The following PCDH11X variants were observed in gnomAD, a reference collection of about 807,000 sequenced individuals.
The protein encoded by PCDH11X is protocadherin 11 X-linked, also known as protocadherin-11 X-linked.
Under a neutral mutation model 53.3 loss-of-function variants are expected in PCDH11X, and 18 were observed. The observed-to-expected ratio is 0.34, with a 90% confidence interval of 0.23 to 0.50. The LOEUF (loss-of-function observed/expected upper bound fraction) is 0.50. Among genes scored for constraint, PCDH11X ranks in the 20% least tolerant of loss-of-function variants. The pLI is 0.98. For synonymous variants in PCDH11X, 279 were observed against 393.3 expected (o/e 0.71, Z 3.44); for missense variants, 570 against 1,032.4 (o/e 0.55, Z 6.14).
chrX:92,612,065 T>C (rs1193563570), intron 10 of PCDH11X, among the ~76,000 whole-genome samples: 2 of 110,165 alleles, frequency 1.8e-5, no homozygotes, highest in Admixed American at 1.9e-4. Context: ...TTTTGTTGTG[T>C]CTTTGCCAGG....
intron 9 of PCDH11X, among the ~76,000 whole-genome samples, chrX:92,388,718 CA>C (rs1190255665): frequency 9.3e-6 from 1 of 108,007 alleles, no homozygotes; most frequent in Non-Finnish European, 1.9e-5. Context: ...TATGTAGATA[CA>C]AAAAAGCATA....
chrX:91,823,230 G>A (rs755621073), intron 4 of PCDH11X, among the ~76,000 whole-genome samples: 1 of 110,953 alleles, frequency 9.0e-6, no homozygotes, highest in South Asian at 3.9e-4. Context: ...GGGTATCCTT[G>A]TTGACTTTCT....
At chrX:91,801,883 A>G (rs1204835936) in intron 1 of PCDH11X, among the ~76,000 whole-genome samples, 1 of 112,658 alleles carries the variant, frequency 8.9e-6, no homozygotes, top group African/African-American at 3.2e-5. Context: ...GCCAACATAT[A>G]TTAAATAACT....
chrX:92,284,487 A>G (rs944602597), intron 8 of PCDH11X, among the ~76,000 whole-genome samples: 1 of 112,354 alleles, frequency 8.9e-6, no homozygotes, highest in African/African-American at 3.2e-5. Context: ...AGACTAAAAA[A>G]CAAAACAATA....
At chrX:91,903,259 C>T (rs1054702092) in intron 6 of PCDH11X, among the ~76,000 whole-genome samples, 2 of 111,555 alleles carry the variant, frequency 1.8e-5, no homozygotes, top group Admixed American at 9.6e-5. Flanking sequence ...TTCATCATAT[C>T]TCTAATCTTG....
intron 8 of PCDH11X, among the ~76,000 whole-genome samples, chrX:92,351,625 A>G (rs1233534385): frequency 8.9e-6 from 1 of 111,905 alleles, no homozygotes; most frequent in East Asian, 2.8e-4. Flanking sequence ...AGTTAAATAA[A>G]CATGTAATTA....
intron 8 of PCDH11X, among the ~76,000 whole-genome samples, chrX:92,345,071 A>C (rs1174799229): frequency 9.0e-6 from 1 of 110,829 alleles, no homozygotes; most frequent in African/African-American, 3.3e-5. Flanking sequence ...GAGATTTCCA[A>C]ATGTTTACTA....
intron 6 of PCDH11X, among the ~76,000 whole-genome samples, chrX:92,040,034 GC>G (rs763604579): frequency 2.0e-3 from 224 of 109,371 alleles, no homozygotes; most frequent in African/African-American, 7.4e-3. Context: ...TCTGCCTAGT[GC>G]CCTATCTTAT....
At chrX:92,364,362 A>G (rs2070414499) in intron 8 of PCDH11X, among the ~76,000 whole-genome samples, 1 of 111,783 alleles carries the variant, frequency 8.9e-6, no homozygotes, top group South Asian at 3.7e-4. Context: ...TACTGTAGGC[A>G]ATGGTAACAC....
At chrX:92,257,114 G>C (rs774842147) in intron 7 of PCDH11X, among the ~76,000 whole-genome samples, 2 of 111,360 alleles carry the variant, frequency 1.8e-5, no homozygotes, top group African/African-American at 3.3e-5. Context: ...AAAGGCAAAG[G>C]GGGAGCAGCA....
At chrX:92,205,217 AT>A (rs777078634) in intron 7 of PCDH11X, among the ~76,000 whole-genome samples, 20 of 111,782 alleles carry the variant, frequency 1.8e-4, no homozygotes, top group African/African-American at 6.2e-4. Flanking sequence ...CACTGTAATA[AT>A]TTTCTTAGTT....
chrX:91,899,262 C>T (rs4408069), intron 6 of PCDH11X, among the ~76,000 whole-genome samples: 2,560 of 110,458 alleles, frequency 0.023, 75 homozygotes, highest in African/African-American at 0.079. Flanking sequence ...ACTTGAAGTC[C>T]GATGTTTGAG....
chrX:92,615,299 G>T (rs2148819887), intron 10 of PCDH11X, among the ~76,000 whole-genome samples: 1 of 111,154 alleles, frequency 9.0e-6, no homozygotes, highest in African/African-American at 3.3e-5. Context: ...TCAGATTGCT[G>T]ATTCAAGCAA....
At chrX:91,808,331 C>A (rs1425592501) in intron 1 of PCDH11X, among the ~76,000 whole-genome samples, 1 of 108,359 alleles carries the variant, frequency 9.2e-6, no homozygotes, top group Non-Finnish European at 1.9e-5. Flanking sequence ...CCTGTCTCAA[C>A]TAAAAATACA....
intron 10 of PCDH11X, among the ~76,000 whole-genome samples, chrX:92,551,253 T>A (rs1350189121): frequency 8.9e-6 from 1 of 111,870 alleles, no homozygotes; most frequent in Non-Finnish European, 1.9e-5. Flanking sequence ...CATTTGTTAT[T>A]GCCTGTCTTT....
intron 9 of PCDH11X, among the ~76,000 whole-genome samples, chrX:92,390,250 T>C (rs768085141): frequency 2.7e-5 from 3 of 109,885 alleles, no homozygotes; most frequent in African/African-American, 9.9e-5. Flanking sequence ...AAATTTTGGT[T>C]AGGAGTTTTG....
At chrX:92,522,694 G>A (rs1472977974) in intron 10 of PCDH11X, among the ~76,000 whole-genome samples, 1 of 112,237 alleles carries the variant, frequency 8.9e-6, no homozygotes, top group Non-Finnish European at 1.9e-5. Context: ...AACATGCTGC[G>A]CTGAGCAATT....
At chrX:92,111,313 T>A (rs1409481710) in intron 6 of PCDH11X, among the ~76,000 whole-genome samples, 2 of 107,295 alleles carry the variant, frequency 1.9e-5, no homozygotes, top group African/African-American at 6.8e-5. Context: ...TATCAGTAGT[T>A]TTTTACAAGT....
intron 6 of PCDH11X, among the ~76,000 whole-genome samples, chrX:91,943,448 C>G (rs754383390): frequency 2.7e-4 from 30 of 110,474 alleles, no homozygotes; most frequent in Admixed American, 2.7e-3. Flanking sequence ...TAAAACAAAT[C>G]AATTAATATA....
Sources: allele counts gnomAD v4.1 joint callset (sites outside exome capture counted in the v4.1 genomes callset), GRCh38; gene constraint gnomAD v4.1.1; transcripts MANE v1.5; gene names NCBI Gene and HGNC (gene_info 2026-07-23, HGNC 2026-07-21).